Variants in CSNK1E observed in about 807,000 individuals in gnomAD.
CSNK1E encodes casein kinase 1 epsilon.
A neutral mutation model predicts 46.1 loss-of-function variants in CSNK1E; 17 were observed. That is an observed-to-expected ratio of 0.37 (90% CI 0.25 to 0.55). CSNK1E has a LOEUF of 0.55. Among genes scored for constraint, CSNK1E ranks in the 20% least tolerant of loss-of-function variants. The pLI is 0.82. For missense variants in CSNK1E, 386 were observed against 595.4 expected (o/e 0.65, Z 3.66); for synonymous variants, 241 against 242.6 (o/e 0.99, Z 0.06).
At chr22:38,306,370 G>C (rs372136016) in intron 2 of CSNK1E, among the ~76,000 whole-genome samples, 1 of 152,164 alleles carries the variant, frequency 6.6e-6, no homozygotes, top group South Asian at 2.1e-4. Context: ...CTCCAATTGA[G>C]TCACTCAAAG....
chr22:38,311,481 C>CCTCT (rs25535), intron 2 of CSNK1E, among the ~76,000 whole-genome samples: 138,695 of 152,052 alleles, frequency 0.91, 63,330 homozygotes, highest in African/African-American at 0.95. Flanking sequence ...CAGCCATGGG[C>CCTCT]CTGTCTCCTG....
chr22:38,314,029 C>G, intron 2 of CSNK1E, 53 bp downstream of exon 2: 1 of 1,515,282 alleles, frequency 6.6e-7, no homozygotes, highest in South Asian at 1.1e-5. Context: ...CTTTCCTCCT[C>G]TTGGTCCCAT....
intron 2 of CSNK1E, among the ~76,000 whole-genome samples, chr22:38,310,353 G>C (rs2092715634): frequency 6.6e-6 from 1 of 152,106 alleles, no homozygotes; most frequent in Non-Finnish European, 1.5e-5. Flanking sequence ...CAAGTTCCAG[G>C]TGGCCACGGG....
chr22:38,308,088 C>T lies in CSNK1E; in HGVS notation c.77-4840G>A, dbSNP rs377676284. ...CATCCCCTGCCCCCCAACTAATCTA[C>T]ATTCTGTCTCTATGGATTTGTCTTT... is the stretch of plus-strand genomic sequence containing the variant. On this transcript the variant is annotated intron_variant, in intron 2 of 10. Transcript: ENST00000396832. Among the ~76,000 whole-genome samples, 11 of 152,212 alleles carry T rather than the reference C, an allele frequency of 7.2e-5. No homozygotes were observed. The South Asian group carries it at 2.3e-3, about 32-fold the overall frequency.
chr22:38,303,309 G>A lies in CSNK1E; in HGVS notation c.77-61C>T, dbSNP rs897435698. On this transcript the variant is annotated intron_variant, in intron 2 of 10. Transcript: ENST00000396832. This position sits in a 1 kb window ranked among gnomAD's most constrained non-coding sequence, Gnocchi z 4.7. Reference sequence around the variant, plus strand: ...CCTCAAAGGCCAGGCAGTCCCAGGCGCCCCACTAAGCATTTCTGAGATCTG... The same window carrying A: ...CCTCAAAGGCCAGGCAGTCCCAGGCACCCCACTAAGCATTTCTGAGATCTG... 41 of 1,378,058 alleles carry A rather than the reference G, an allele frequency of 3.0e-5. No individual in the cohort carries two copies. The highest frequency in any genetic ancestry group is 1.9e-4 in the South Asian group (15 of 78,884). 85.4% of individuals were successfully genotyped at this position (1,378,058 alleles called of 1,614,324 possible).
At chr22:38,297,875 C>T (rs906951986) in intron 7 of CSNK1E, 1 of 1,051,258 alleles carries the variant, frequency 9.5e-7, no homozygotes, top group South Asian at 2.7e-5. Flanking sequence ...TCAGGCACAC[C>T]TGGCGACATC....
In CSNK1E at chr22:38,309,558, G is replaced by A. The variant is rs570203585; in HGVS notation, c.76+4524C>T. Among the ~76,000 whole-genome samples, 105 of 152,074 alleles carry A rather than the reference G, an allele frequency of 6.9e-4. No homozygotes were observed. Among genetic ancestry groups the A allele is most frequent in the African/African-American group, 2.3e-3 (94 of 41,478 alleles). On this transcript the variant is annotated intron_variant, in intron 2 of 10. Coordinates refer to ENST00000396832, the MANE Select transcript of CSNK1E (RefSeq NM_152221.3). This position sits in a 1 kb window ranked among gnomAD's most constrained non-coding sequence, Gnocchi z 4.8. Reference sequence around the variant, plus strand: ...CAACTTCTGCCTCCCGGGTTCAAGCGATTCTCATGCCTCAGCCTCCCGAGT... The same window carrying A: ...CAACTTCTGCCTCCCGGGTTCAAGCAATTCTCATGCCTCAGCCTCCCGAGT...
At chr22:38,307,819 C>G (rs1013756343) in intron 2 of CSNK1E, among the ~76,000 whole-genome samples, 1 of 152,226 alleles carries the variant, frequency 6.6e-6, no homozygotes. Flanking sequence ...ACTTCAGCCT[C>G]TCGAGTAGCT....
chr22:38,293,356 G>C (rs374879706), intron 9 of CSNK1E, 37 bp from the exon 10 acceptor site: 4 of 1,336,580 alleles, frequency 3.0e-6, no homozygotes, highest in African/African-American at 1.4e-5. Context: ...GGGAGGGAGA[G>C]AGAGGGAGGT....
At position 38,294,211 on chromosome 22, in the gene CSNK1E, C is replaced by T. The variant is rs1209319989; in HGVS notation, c.1116G>A (p.Arg372=). The T allele has an allele frequency of 6.2e-7, 1 of 1,612,764 alleles. No homozygotes were observed. ...GCAGCCTCATACTCACCTTCCTCTC[C>T]CGGTCGACCCGCGAGATCGCTCTGG... ...TSPRAISRVD[R]ERKVSMRLHR... The change falls in exon 9 of 11, where the codon CGG becomes CGA. Residue 372 remains arginine (R), a synonymous_variant. Transcript: ENST00000396832. The surrounding 1 kb of genome is among the most constrained non-coding windows in gnomAD (Gnocchi z 5.5).
At position 38,300,120 on chromosome 22, in the gene CSNK1E, C is replaced by G; in HGVS notation, c.566-55G>C. Reference sequence around the variant, plus strand: ...GACAGGGGTCCACTCAGGCCCCTAACTCATCCTCTGGGTCATGCTCCTCAC... The same window carrying G: ...GACAGGGGTCCACTCAGGCCCCTAAGTCATCCTCTGGGTCATGCTCCTCAC... On this transcript the variant is annotated intron_variant, in intron 5 of 10. Transcript: ENST00000396832. The surrounding 1 kb of genome is among the most constrained non-coding windows in gnomAD (Gnocchi z 4.4). 6.4e-7 allele frequency: 1 copy of G among 1,558,582 alleles called. No individual in the cohort carries two copies. The highest frequency in any genetic ancestry group is 8.8e-7 in the Non-Finnish European group (1 of 1,141,282).
chr22:38,294,444 G>A lies in CSNK1E; in HGVS notation c.976C>T (p.Arg326Ter). 4 of 1,572,366 alleles carry A rather than the reference G, an allele frequency of 2.5e-6. No homozygotes were observed. The highest frequency in any genetic ancestry group is 3.4e-6 in the Non-Finnish European group (4 of 1,161,278). Reference sequence around the variant, plus strand: ...GTGGGTGGGCCAGGGGGCAGGGCTCGGGTCGCGGACCCCCGTAGCTGCCCC... The same window carrying A: ...GTGGGTGGGCCAGGGGGCAGGGCTCAGGTCGCGGACCCCCGTAGCTGCCCC... ...RMGQLRGSAT[R>*]ALPPGPPTGA... The change falls in exon 8 of 11, where the codon CGA (arginine) becomes TGA (stop). Residue 326 changes from arginine (R) to a stop codon, truncating the protein, a stop_gained. Coordinates refer to ENST00000396832, the MANE Select transcript of CSNK1E (RefSeq NM_152221.3). LOFTEE classifies it high-confidence loss of function. The surrounding 1 kb of genome is among the most constrained non-coding windows in gnomAD (Gnocchi z 5.5).
At chr22:38,304,155 C>T (rs534919027) in intron 2 of CSNK1E, among the ~76,000 whole-genome samples, 11 of 152,194 alleles carry the variant, frequency 7.2e-5, no homozygotes, top group South Asian at 4.1e-4. Context: ...GGGCCAGCAG[C>T]GAGCCCAGCA....
intron 7 of CSNK1E, among the ~76,000 whole-genome samples, chr22:38,295,229 C>A (rs1162649945): frequency 6.6e-6 from 1 of 152,196 alleles, no homozygotes; most frequent in Non-Finnish European, 1.5e-5. Flanking sequence ...CCACGTTCCC[C>A]ACGGAGGAAG....
In CSNK1E at chr22:38,292,862, G is replaced by A. The variant is rs112589828; in HGVS notation, c.*32+393C>T. The A allele has an allele frequency of 2.9e-3, 713 of 243,802 alleles. 5 individuals carry two copies. The highest frequency in any genetic ancestry group is 0.015 in the African/African-American group (659 of 42,988). The allele number at this position is 243,802 out of a possible 1,614,324, so 15.1% of individuals were successfully genotyped here. The stretch of plus-strand genomic sequence containing the variant: ...CAGCCCTGTTGTGAGTCTTGTGCAG[G>A]AATTAACTTGCGTAACAGCCCAGAG... On this transcript the variant is annotated intron_variant, in intron 10 of 10. Coordinates refer to ENST00000396832, the MANE Select transcript of CSNK1E (RefSeq NM_152221.3).
chr22:38,306,969 G>A (rs566763631), intron 2 of CSNK1E, among the ~76,000 whole-genome samples: 17 of 152,028 alleles, frequency 1.1e-4, no homozygotes, highest in South Asian at 6.2e-4. Flanking sequence ...CCAGCGGTTC[G>A]AGACCAGCCT....
chr22:38,299,867 G>A (rs2092661774), intron 6 of CSNK1E, 28 bp downstream of exon 6: 1 of 1,607,978 alleles, frequency 6.2e-7, no homozygotes. Context: ...GGGCCCCCAG[G>A]CATGTCCCCT....
chr22:38,302,845 G>A lies in CSNK1E; in HGVS notation c.336+16C>T, dbSNP rs752738687. ...CCACAGGCATCTGGCTGGGGATGGA[G>A]GGGACGGGGACTCACCATCTGGTCG... is the stretch of plus-strand genomic sequence containing the variant. On this transcript the variant is annotated intron_variant, in intron 4 of 10. Transcript: ENST00000396832. 26 of 1,613,464 alleles carry A rather than the reference G, an allele frequency of 1.6e-5. No homozygotes were observed. In the African/African-American group the frequency reaches 2.9e-4, roughly 18 times the overall value.
Position 38,300,007 on chromosome 22 carries a change from C to T in CSNK1E, c.624G>A (p.Leu208=), listed in dbSNP as rs2092662632. The T allele has an allele frequency of 1.9e-6, 3 of 1,614,068 alleles. No homozygotes were observed. The highest frequency in any genetic ancestry group is 2.5e-6 in the Non-Finnish European group (3 of 1,180,038). ...SLGYVLMYFN[L]GSLPWQGLKA... ...TGAGCCCCTGCCAGGGCAGGGAGCC[C>T]AGGTTGAAGTACATGAGCACGTAGC... The change falls in exon 6 of 11, where the codon CTG becomes CTA. Residue 208 remains leucine (L), a synonymous_variant. Transcript: ENST00000396832. The surrounding 1 kb of genome is among the most constrained non-coding windows in gnomAD (Gnocchi z 4.4).
Sources: gnomAD v4.1 joint callset for allele counts (sites outside exome capture counted in the v4.1 genomes callset) on GRCh38, gnomAD v4.1.1 for gene constraint, Gnocchi (gnomAD v3.1) non-coding constraint, MANE v1.5 for transcripts, NCBI Gene and HGNC (gene_info 2026-07-23, HGNC 2026-07-21) for gene names.